The following RASSF3 variants were observed in gnomAD, a reference collection of about 807,000 sequenced individuals.
The protein encoded by RASSF3 is ras association domain-containing protein 3.
Under a neutral mutation model 19.9 loss-of-function variants are expected in RASSF3, and 19 were observed. That is an observed-to-expected ratio of 0.96 (90% CI 0.67 to 1.40). RASSF3 has a LOEUF of 1.40. Among genes scored for constraint, RASSF3 ranks in the 40% most tolerant of loss-of-function variants. The probability of loss-of-function intolerance (pLI) is 0.00; values close to 1 mark genes in which losing one functional copy is unlikely to be tolerated. For synonymous variants in RASSF3, 110 were observed against 104.2 expected, an observed-to-expected ratio of 1.06 and a Z score of -0.34; for missense variants, 306 against 289.8, an observed-to-expected ratio of 1.06 and a Z score of -0.41.
At position 64,695,866 on chromosome 12, in the gene RASSF3, G is replaced by C. The variant is rs1299217375; in HGVS notation, c.*954G>C. The C allele has an allele frequency of 6.6e-6, 1 of 152,208 alleles. No homozygotes were observed. Among genetic ancestry groups the C allele is most frequent in the African/African-American group, 2.4e-5 (1 of 41,446 alleles). 9.4% of individuals were successfully genotyped at this position (152,208 alleles called of 1,614,324 possible). ...GGACAGTGACAGTTCACTAACTCTTGTTAAGTTACATAGTGTATAGCTTTC... is the reference window on the plus strand; with the variant it reads ...GGACAGTGACAGTTCACTAACTCTTCTTAAGTTACATAGTGTATAGCTTTC... On this transcript the variant is annotated 3_prime_UTR_variant, in exon 5 of 5. Transcript: ENST00000542104.
chr12:64,562,948 C>T (rs916016401), intron 2 of RASSF3, among the ~76,000 whole-genome samples: 1 of 151,680 alleles, frequency 6.6e-6, no homozygotes, highest in Non-Finnish European at 1.5e-5. Flanking sequence ...CTTTTTCTTA[C>T]ACCCCAAATC....
intron 1 of RASSF3, among the ~76,000 whole-genome samples, chr12:64,678,711 A>G (rs1432402723): frequency 1.4e-5 from 2 of 148,056 alleles, no homozygotes; most frequent in Non-Finnish European, 3.0e-5. Flanking sequence ...GGTGGGGAGT[A>G]AGGTAAACTA....
upstream of RASSF3, among the ~76,000 whole-genome samples, chr12:64,532,750 T>C (rs192062623): frequency 2.3e-3 from 346 of 150,246 alleles, 1 homozygote; most frequent in African/African-American, 8.1e-3. Context: ...GTAGGAGGAG[T>C]GCTTTAGCTA....
At chr12:64,608,746 G>C (rs567018248), upstream of RASSF3, among the ~76,000 whole-genome samples, 87 of 152,276 alleles carry the variant, frequency 5.7e-4, no homozygotes, top group African/African-American at 2.0e-3. Flanking sequence ...TATTTAATAA[G>C]AGCTGCGCTA....
intron 1 of RASSF3, among the ~76,000 whole-genome samples, chr12:64,642,032 G>A (rs1295776403): frequency 6.6e-6 from 1 of 151,818 alleles, no homozygotes. Flanking sequence ...GTGAGCCACC[G>A]TGCTCGGCCT....
chr12:64,621,660 TAG>T (rs1191714481), intron 1 of RASSF3, among the ~76,000 whole-genome samples: 6 of 152,194 alleles, frequency 3.9e-5, no homozygotes, highest in African/African-American at 1.2e-4. Context: ...GTATTTTTAG[TAG>T]AGACAGGATT....
intron 1 of RASSF3, among the ~76,000 whole-genome samples, chr12:64,634,815 T>TA (rs1416419689): frequency 6.7e-6 from 1 of 148,528 alleles, no homozygotes; most frequent in Non-Finnish European, 1.5e-5. Flanking sequence ...GTTGCTCTGA[T>TA]AGGGGCTCTT....
chr12:64,597,367 G>A (rs1191399117), intron 2 of RASSF3, among the ~76,000 whole-genome samples: 1 of 151,670 alleles, frequency 6.6e-6, no homozygotes, highest in Non-Finnish European at 1.5e-5. Flanking sequence ...TCCTGACCTC[G>A]TGATCCACCT....
At chr12:64,594,011 C>CAAAA (rs34463362) in intron 2 of RASSF3, among the ~76,000 whole-genome samples, 4 of 45,972 alleles carry the variant, frequency 8.7e-5, no homozygotes, top group Non-Finnish European at 1.5e-4. Flanking sequence ...GACTCTGTCT[C>CAAAA]AAAAAAAAAA....
At chr12:64,510,872 C>G (rs1262536009) in intron 1 of RASSF3, among the ~76,000 whole-genome samples, 1 of 152,142 alleles carries the variant, frequency 6.6e-6, no homozygotes, top group Non-Finnish European at 1.5e-5. Context: ...CTGGGAAGAT[C>G]AAGGGACTTC....
chr12:64,618,699 A>G (rs970730059), intron 1 of RASSF3, among the ~76,000 whole-genome samples: 3 of 152,150 alleles, frequency 2.0e-5, no homozygotes, highest in Non-Finnish European at 4.4e-5. Context: ...CAGAACCCAT[A>G]AAAAATGATG....
intron 2 of RASSF3, 119 bp downstream of exon 2, chr12:64,685,013 G>A (rs779677220): frequency 3.1e-6 from 2 of 646,720 alleles, no homozygotes; most frequent in Non-Finnish European, 5.5e-6. Flanking sequence ...AGTAGTCAAG[G>A]TATACAGAAC....
intron 2 of RASSF3, among the ~76,000 whole-genome samples, chr12:64,580,394 A>G (rs1209892054): frequency 6.6e-6 from 1 of 152,118 alleles, no homozygotes; most frequent in Non-Finnish European, 1.5e-5. Flanking sequence ...AAAGTTCCAC[A>G]AACTCGGTGG....
At chr12:64,620,129 C>A (rs1051605087) in intron 1 of RASSF3, among the ~76,000 whole-genome samples, 2 of 151,300 alleles carry the variant, frequency 1.3e-5, no homozygotes, top group African/African-American at 4.9e-5. Context: ...CAGATTGAAA[C>A]CTGCCTTCAT....
rs368437990 is a variant in RASSF3 at position 64,652,521 on chromosome 12, G to C, written c.112-32266G>C. On this transcript the variant is annotated intron_variant, in intron 1 of 4. Coordinates refer to ENST00000542104, the MANE Select transcript of RASSF3 (RefSeq NM_178169.4). ...GAGTAGCTTGGACCAGGCTTGGCTC[G>C]AGGACTGTGATTTTATAGACATTGT... 4.6e-5 allele frequency among the ~76,000 whole-genome samples: 7 copies of C among 151,428 alleles called. No homozygotes were observed. In the Admixed American group the frequency reaches 4.6e-4, roughly 10 times the overall value.
chr12:64,680,806 G>A (rs1484727098), intron 1 of RASSF3, among the ~76,000 whole-genome samples: 1 of 152,012 alleles, frequency 6.6e-6, no homozygotes, highest in Non-Finnish European at 1.5e-5. Flanking sequence ...TAGAGACAAG[G>A]CCACCATGTT....
At chr12:64,561,874 T>C (rs1869353175) in intron 2 of RASSF3, among the ~76,000 whole-genome samples, 1 of 151,750 alleles carries the variant, frequency 6.6e-6, no homozygotes, top group African/African-American at 2.4e-5. Context: ...TGTATTTGTA[T>C]ACAAATATAA....
At chr12:64,564,052 GATGTAC>G (rs1157179011) in intron 2 of RASSF3, among the ~76,000 whole-genome samples, 2 of 152,150 alleles carry the variant, frequency 1.3e-5, no homozygotes, top group Non-Finnish European at 2.9e-5. Flanking sequence ...TAGTACCTTT[GATGTAC>G]ATGGTCCCCT....
chr12:64,638,867 C>T (rs931716346), intron 1 of RASSF3, among the ~76,000 whole-genome samples: 2 of 152,192 alleles, frequency 1.3e-5, no homozygotes, highest in African/African-American at 2.4e-5. Context: ...CTGCTGAACA[C>T]GCCATAGTGT....
Sources: allele counts gnomAD v4.1 joint callset (sites outside exome capture counted in the v4.1 genomes callset), GRCh38; gene constraint gnomAD v4.1.1; transcripts MANE v1.5; gene names NCBI Gene and HGNC (gene_info 2026-07-23, HGNC 2026-07-21).